DMD: variants seen among roughly 807,000 people sequenced by gnomAD.
DMD encodes dystrophin.
A neutral mutation model predicts 330.1 loss-of-function variants in DMD; 63 were observed. The ratio of observed to expected loss-of-function variants is 0.19; its 90% CI spans 0.16 to 0.24. The LOEUF is 0.24. Among genes scored for constraint, DMD ranks in the 10% least tolerant of loss-of-function variants. DMD has a pLI of 1.00. For synonymous variants in DMD, 1,223 were observed against 959.8 expected, an observed-to-expected ratio of 1.27 and a Z score of -5.07; for missense variants, 3,344 against 2,684.1, an observed-to-expected ratio of 1.25 and a Z score of -5.43.
At chrX:31,152,184 C>CTT (rs1161340463) in intron 74 of DMD, among the ~76,000 whole-genome samples, 1,371 of 98,349 alleles carry the variant, frequency 0.014, 50 homozygotes, top group African/African-American at 0.05. Context: ...CTTTAAGCAT[C>CTT]TTTTTTTTTT....
chrX:32,476,013 T>C (rs1212496956), intron 21 of DMD, among the ~76,000 whole-genome samples: 1 of 111,137 alleles, frequency 9.0e-6, no homozygotes, highest in Non-Finnish European at 1.9e-5. Flanking sequence ...AGCAGTGAAG[T>C]AAAGAGGTAT....
In DMD at chrX:32,468,725, T is replaced by A. The variant is rs2040312777; in HGVS notation, c.2950-15A>T. ...CTTTGTAAAGCCTAAAAAACAATTT[T>A]TTAAATACATTTACCCTAATTGATG... is the stretch of plus-strand genomic sequence containing the variant. On this transcript the variant is annotated splice_polypyrimidine_tract_variant and intron_variant, in intron 22 of 78. Transcript: ENST00000357033. 1 of 1,145,515 alleles carries A rather than the reference T, an allele frequency of 8.7e-7. No individual in the cohort carries two copies. Among genetic ancestry groups the A allele is most frequent in the Non-Finnish European group, 1.2e-6 (1 of 839,162 alleles). 94.4% of individuals were successfully genotyped at this position (1,145,515 alleles called of 1,213,427 possible).
chrX:31,295,295 G>A (rs1421889882), intron 62 of DMD, among the ~76,000 whole-genome samples: 3 of 110,434 alleles, frequency 2.7e-5, no homozygotes, highest in Non-Finnish European at 3.8e-5. Flanking sequence ...GCGCCCGGCC[G>A]TAGGTTTGCT....
chrX:32,540,418 G>A (rs1302804095), intron 17 of DMD, among the ~76,000 whole-genome samples: 1 of 111,624 alleles, frequency 9.0e-6, no homozygotes, highest in Non-Finnish European at 1.9e-5. Flanking sequence ...GTGGTAGAAA[G>A]CTGAATTTTA....
chrX:32,306,919 G>A (rs946624786), intron 42 of DMD, among the ~76,000 whole-genome samples: 6 of 111,070 alleles, frequency 5.4e-5, no homozygotes, highest in South Asian at 3.7e-4. Flanking sequence ...CTTATTATAA[G>A]CTATGTTCTT....
chrX:33,142,837 G>A (rs1042539975), intron 1 of DMD, among the ~76,000 whole-genome samples: 13 of 112,093 alleles, frequency 1.2e-4, no homozygotes, highest in Admixed American at 7.6e-4. Context: ...TCTCTTGTGC[G>A]TGCTAAAGCA....
At chrX:33,033,199 T>A (rs1414782946) in intron 1 of DMD, among the ~76,000 whole-genome samples, 1 of 110,489 alleles carries the variant, frequency 9.1e-6, no homozygotes, top group African/African-American at 3.3e-5. Flanking sequence ...TGACAAGTGG[T>A]TAACGACTGC....
chrX:31,384,126 G>C (rs756878786), intron 60 of DMD, among the ~76,000 whole-genome samples: 1 of 111,508 alleles, frequency 9.0e-6, no homozygotes, highest in Non-Finnish European at 1.9e-5. Flanking sequence ...CCCACACAGA[G>C]TTTTGTTCCT....
intron 74 of DMD, among the ~76,000 whole-genome samples, chrX:31,158,946 G>C (rs764076951): frequency 1.2e-4 from 13 of 111,988 alleles, no homozygotes; most frequent in Non-Finnish European, 1.7e-4. Context: ...GATGGTTTCA[G>C]TCTAATGGAA....
In DMD at chrX:32,849,826, A is replaced by AT; in HGVS notation, c.94-7dup. On this transcript the variant is annotated splice_polypyrimidine_tract_variant and splice_region_variant and intron_variant, in intron 2 of 78. Transcript: ENST00000357033. The stretch of plus-strand genomic sequence containing the variant: ...TCAATATGCTGCTTCCCAAACTGAA[A>AT]TTAAAAAAAATACACTCAATTTAAC... 1 of 1,140,120 alleles carries AT rather than the reference A, an allele frequency of 8.8e-7. No individual in the cohort carries two copies. Among genetic ancestry groups the AT allele is most frequent in the Non-Finnish European group, 1.2e-6 (1 of 832,190 alleles). The allele number at this position is 1,140,120 out of a possible 1,213,427, so 94.0% of individuals were successfully genotyped here.
intron 1 of DMD, among the ~76,000 whole-genome samples, chrX:33,334,306 A>G (rs753629893): frequency 1.1e-4 from 12 of 111,943 alleles, no homozygotes; most frequent in Non-Finnish European, 1.9e-4. Flanking sequence ...GTACTTAAGT[A>G]GTATGGGTGG....
intron 55 of DMD, among the ~76,000 whole-genome samples, chrX:31,548,753 C>T (rs2074302183): frequency 9.1e-6 from 1 of 110,277 alleles, no homozygotes; most frequent in Admixed American, 9.7e-5. Context: ...TCTGCCACTC[C>T]TCTTCCCGGT....
intron 7 of DMD, among the ~76,000 whole-genome samples, chrX:32,751,121 G>C (rs1444778012): frequency 2.7e-5 from 3 of 111,520 alleles, no homozygotes; most frequent in Non-Finnish European, 5.6e-5. Flanking sequence ...ACAGTGAATT[G>C]GTACCAGTAG....
At position 33,064,865 on chromosome X, in the gene DMD, G is replaced by A. The variant is rs189373239; in HGVS notation, c.32-44665C>T. Among the ~76,000 whole-genome samples the A allele has an allele frequency of 2.5e-3, 282 of 110,772 alleles. 3 individuals are homozygous for A. The highest frequency in any genetic ancestry group is 8.2e-3 in the African/African-American group (250 of 30,443). ...GATCGCGCCACTGCACTTCAGCCTC[G>A]GGGTCAGAGAGAGACTTCATCTCAG... On this transcript the variant is annotated intron_variant, in intron 1 of 78. Transcript: ENST00000357033.
chrX:33,214,728 G>A (rs993286677), upstream of DMD, among the ~76,000 whole-genome samples: 3 of 111,712 alleles, frequency 2.7e-5, no homozygotes, highest in East Asian at 2.8e-4. Context: ...ATCATACCTC[G>A]TTATAGTCTC....
intron 4 of DMD, among the ~76,000 whole-genome samples, chrX:32,843,815 G>C (rs938156287): frequency 1.8e-5 from 2 of 111,639 alleles, no homozygotes; most frequent in Non-Finnish European, 3.8e-5. Flanking sequence ...GAGTCACCAA[G>C]TGGTTCAGAG....
intron 7 of DMD, among the ~76,000 whole-genome samples, chrX:32,776,719 G>A (rs2074188552): frequency 9.0e-6 from 1 of 111,511 alleles, no homozygotes; most frequent in Non-Finnish European, 1.9e-5. Context: ...ATGAGACTTG[G>A]GTAGGGGACA....
At chrX:32,417,559 G>C (rs184779379) in intron 29 of DMD, among the ~76,000 whole-genome samples, 163 of 110,930 alleles carry the variant, frequency 1.5e-3, no homozygotes, top group African/African-American at 5.1e-3. Flanking sequence ...AGTGAAGAAG[G>C]GGGGCAGCCT....
intron 30 of DMD, among the ~76,000 whole-genome samples, chrX:32,407,757 A>T (rs996300340): frequency 6.3e-5 from 7 of 110,289 alleles, no homozygotes; most frequent in African/African-American, 2.3e-4. Flanking sequence ...GATTTAGAAA[A>T]TGTGGCACAT....
Sources: gnomAD v4.1 joint callset for allele counts (sites outside exome capture counted in the v4.1 genomes callset) on GRCh38, gnomAD v4.1.1 for gene constraint, MANE v1.5 for transcripts, NCBI Gene and HGNC (gene_info 2026-07-23, HGNC 2026-07-21) for gene names.